The following ZDHHC14 variants were observed in gnomAD, a reference collection of about 807,000 sequenced individuals.
The protein encoded by ZDHHC14 is palmitoyltransferase ZDHHC14.
Under a neutral mutation model 47.7 loss-of-function variants are expected in ZDHHC14, and 16 were observed. The ratio of observed to expected loss-of-function variants is 0.34; its 90% CI spans 0.23 to 0.51. ZDHHC14 has a LOEUF of 0.51. Among genes scored for constraint, ZDHHC14 ranks in the 20% least tolerant of loss-of-function variants. ZDHHC14 has a pLI of 0.97. For missense variants in ZDHHC14, 515 were observed against 662.5 expected, an observed-to-expected ratio of 0.78 and a Z score of 2.44; for synonymous variants, 293 against 278.9, an observed-to-expected ratio of 1.05 and a Z score of -0.50.
intron 1 of ZDHHC14, among the ~76,000 whole-genome samples, chr6:157,439,966 A>G (rs1231198034): frequency 2.6e-5 from 4 of 152,088 alleles, no homozygotes; most frequent in Non-Finnish European, 4.4e-5. Context: ...CAATGTGAAC[A>G]CATAGATACA....
At chr6:157,511,630 G>C (rs1780493109) in intron 1 of ZDHHC14, among the ~76,000 whole-genome samples, 1 of 149,058 alleles carries the variant, frequency 6.7e-6, no homozygotes, top group Non-Finnish European at 1.5e-5. Flanking sequence ...TCAACCTCAG[G>C]TGATCCACCC....
intron 1 of ZDHHC14, among the ~76,000 whole-genome samples, chr6:157,495,557 G>A (rs1780041575): frequency 6.6e-6 from 1 of 152,134 alleles, no homozygotes; most frequent in African/African-American, 2.4e-5. Flanking sequence ...ATGAGGGAAG[G>A]AGGTTGTTGG....
chr6:157,663,840 G>T (rs1210562814), intron 8 of ZDHHC14, among the ~76,000 whole-genome samples: 1 of 152,088 alleles, frequency 6.6e-6, no homozygotes, highest in Admixed American at 6.5e-5. Context: ...AGCCTTCCAC[G>T]TACATAACTT....
intron 1 of ZDHHC14, among the ~76,000 whole-genome samples, chr6:157,528,833 A>C (rs1332694311): frequency 6.8e-6 from 1 of 146,842 alleles, no homozygotes; most frequent in Non-Finnish European, 1.5e-5. Context: ...AAGCACAATT[A>C]GATGAAGACT....
chr6:157,638,720 G>A (rs1562522597), intron 5 of ZDHHC14, among the ~76,000 whole-genome samples: 1 of 152,244 alleles, frequency 6.6e-6, no homozygotes, highest in Non-Finnish European at 1.5e-5. Flanking sequence ...AGCATCTGCT[G>A]CTGCCCAGAT....
intron 1 of ZDHHC14, among the ~76,000 whole-genome samples, chr6:157,444,934 G>T (rs1002946054): frequency 1.3e-5 from 2 of 152,098 alleles, no homozygotes; most frequent in Non-Finnish European, 2.9e-5. Context: ...GCAAAGCCCA[G>T]AAGTGGGCAT....
chr6:157,579,728 C>T (rs1401748251), intron 2 of ZDHHC14, among the ~76,000 whole-genome samples: 1 of 152,128 alleles, frequency 6.6e-6, no homozygotes. Flanking sequence ...GATTTCCATA[C>T]ATTAATTTTA....
chr6:157,538,226 G>A lies in ZDHHC14; in HGVS notation c.246-4359G>A, dbSNP rs547753749. On this transcript the variant is annotated intron_variant, in intron 1 of 8. Coordinates refer to ENST00000359775, the MANE Select transcript of ZDHHC14 (RefSeq NM_024630.3). Reference sequence around the variant, plus strand: ...GCATCTACTAGAACTTTAGCACATGGAGGGTCTTAGAGGTTCCAGCAAATG... The same window carrying A: ...GCATCTACTAGAACTTTAGCACATGAAGGGTCTTAGAGGTTCCAGCAAATG... Among the ~76,000 whole-genome samples, 5 of 152,322 alleles carry A rather than the reference G, an allele frequency of 3.3e-5. No individual in the cohort carries two copies. In the South Asian group the frequency reaches 1.0e-3, roughly 32 times the overall value.
intron 2 of ZDHHC14, chr6:157,592,712 G>T: frequency 8.5e-7 from 1 of 1,183,238 alleles, no homozygotes; most frequent in Non-Finnish European, 1.1e-6. Context: ...GAAAAGGGCG[G>T]GGCTCCACAG....
intron 1 of ZDHHC14, among the ~76,000 whole-genome samples, chr6:157,486,185 A>G (rs367835789): frequency 6.6e-6 from 1 of 152,186 alleles, no homozygotes; most frequent in African/African-American, 2.4e-5. Flanking sequence ...GTTCTTGGTG[A>G]CTGCTAAGAG....
At chr6:157,458,637 G>A (rs993089361) in intron 1 of ZDHHC14, among the ~76,000 whole-genome samples, 1 of 152,064 alleles carries the variant, frequency 6.6e-6, no homozygotes, top group Non-Finnish European at 1.5e-5. Flanking sequence ...TGGGGCTCCT[G>A]CAAGGGATCA....
intron 1 of ZDHHC14, among the ~76,000 whole-genome samples, chr6:157,394,813 AAATG>A (rs1476843329): frequency 1.3e-5 from 2 of 152,170 alleles, no homozygotes; most frequent in Non-Finnish European, 2.9e-5. Context: ...AGAACGTCTC[AAATG>A]AAGTGTTGGG....
Position 157,658,788 on chromosome 6 carries a change from T to C in ZDHHC14, c.1068+5161T>C, listed in dbSNP as rs549637199. ...TCTGTAGTTTTATTTTCTCGTGAAG[T>C]CTTTGTCTGGTGTTGGTATCGGGGT... On this transcript the variant is annotated intron_variant, in intron 8 of 8. Coordinates refer to ENST00000359775, the MANE Select transcript of ZDHHC14 (RefSeq NM_024630.3). 2.0e-4 allele frequency among the ~76,000 whole-genome samples: 31 copies of C among 152,360 alleles called. No individual in the cohort carries two copies. The South Asian group carries it at 6.2e-3, about 31-fold the overall frequency.
chr6:157,572,752 C>T (rs767987954), intron 2 of ZDHHC14, among the ~76,000 whole-genome samples: 8 of 150,772 alleles, frequency 5.3e-5, no homozygotes, highest in Admixed American at 2.7e-4. Flanking sequence ...GTTGGGCATA[C>T]AGTAGGTGCC....
intron 2 of ZDHHC14, among the ~76,000 whole-genome samples, chr6:157,573,484 G>A (rs989165690): frequency 2.6e-5 from 4 of 152,204 alleles, no homozygotes; most frequent in Non-Finnish European, 5.9e-5. Flanking sequence ...GCAGAGAGAC[G>A]AACCATCTCT....
At chr6:157,552,035 A>T (rs961657471) in intron 2 of ZDHHC14, among the ~76,000 whole-genome samples, 1 of 152,170 alleles carries the variant, frequency 6.6e-6, no homozygotes, top group African/African-American at 2.4e-5. Context: ...TAAATACTTT[A>T]GAGGATTATT....
intron 2 of ZDHHC14, among the ~76,000 whole-genome samples, chr6:157,548,936 A>G (rs186337609): frequency 6.0e-4 from 92 of 152,328 alleles, no homozygotes; most frequent in African/African-American, 2.0e-3. Context: ...GTTGTTGATG[A>G]AGCGTCTCTC....
intron 1 of ZDHHC14, among the ~76,000 whole-genome samples, chr6:157,484,316 C>CATATATATATATAT (rs1779713948): frequency 1.8e-5 from 2 of 110,688 alleles, no homozygotes; most frequent in African/African-American, 6.2e-5. Context: ...CATATATATA[C>CATATATATATATAT]ACATATATAT....
intron 1 of ZDHHC14, among the ~76,000 whole-genome samples, chr6:157,382,536 G>A (rs1777235300): frequency 6.6e-6 from 1 of 152,144 alleles, no homozygotes; most frequent in African/African-American, 2.4e-5. Context: ...GTGGCGGATG[G>A]GACCCAGCAG....
Sources: gnomAD v4.1 joint callset for allele counts (sites outside exome capture counted in the v4.1 genomes callset) on GRCh38, gnomAD v4.1.1 for gene constraint, MANE v1.5 for transcripts, NCBI Gene and HGNC (gene_info 2026-07-23, HGNC 2026-07-21) for gene names.